The following RP1 variants were observed in gnomAD, a reference collection of about 807,000 sequenced individuals.
RP1 encodes oxygen-regulated protein 1.
Under a neutral mutation model 14.8 loss-of-function variants are expected in RP1, and 16 were observed. That is an observed-to-expected ratio of 1.08 (90% CI 0.73 to 1.65). RP1 has a LOEUF of 1.65. RP1 is among the 40% of genes most tolerant of loss of function. RP1 has a pLI of 0.00. For synonymous variants in RP1, 876 were observed against 883.6 expected, an observed-to-expected ratio of 0.99 and a Z score of 0.15; for missense variants, 2,631 against 2,535.0, an observed-to-expected ratio of 1.04 and a Z score of -0.81.
intron 6 of RP1, among the ~76,000 whole-genome samples, chr8:54,663,317 G>A (rs907886352): frequency 1.3e-5 from 2 of 152,072 alleles, no homozygotes; most frequent in African/African-American, 2.4e-5. Context: ...AAGAGAAGCC[G>A]TAAAGTACTT....
chr8:54,751,836 C>G (rs1809378728), intron 19 of RP1, among the ~76,000 whole-genome samples: 1 of 152,138 alleles, frequency 6.6e-6, no homozygotes, highest in Admixed American at 6.5e-5. Flanking sequence ...CTGTTTCGAG[C>G]CATCATGACT....
intron 19 of RP1, among the ~76,000 whole-genome samples, chr8:54,741,703 GTGTGTATATA>G (rs1409912860): frequency 3.6e-4 from 32 of 87,742 alleles, no homozygotes; most frequent in African/African-American, 1.8e-3. Context: ...ATACAAATGT[GTGTGTATATA>G]TATATATATA....
intron 3 of RP1, among the ~76,000 whole-genome samples, chr8:54,646,676 A>G (rs1016742621): frequency 2.0e-5 from 3 of 152,160 alleles, no homozygotes; most frequent in Admixed American, 6.5e-5. Context: ...GGGAGGTGCA[A>G]AAACCTATAG....
At chr8:54,756,335 C>T (rs1178661904) in intron 21 of RP1, among the ~76,000 whole-genome samples, 1 of 152,052 alleles carries the variant, frequency 6.6e-6, no homozygotes, top group Non-Finnish European at 1.5e-5. Context: ...AGAGAAGGTA[C>T]TATTTGAGGG....
intron 25 of RP1, among the ~76,000 whole-genome samples, chr8:54,846,491 T>C (rs902926736): frequency 6.6e-6 from 1 of 152,244 alleles, no homozygotes; most frequent in African/African-American, 2.4e-5. Context: ...TGTATGCATT[T>C]GGTAACACTC....
At chr8:54,735,131 A>T (rs1808888209) in intron 18 of RP1, among the ~76,000 whole-genome samples, 1 of 152,188 alleles carries the variant, frequency 6.6e-6, no homozygotes. Flanking sequence ...GCTGAGCTAT[A>T]CAGGTCTGAA....
chr8:54,679,333 CTTGTA>C, intron 9 of RP1: 1 of 1,186,548 alleles, frequency 8.4e-7, no homozygotes, highest in East Asian at 2.5e-5. Context: ...TTCCTGCTAT[CTTGTA>C]TTTCTGACTT....
At chr8:54,723,020 G>A (rs1183619613) in intron 16 of RP1, among the ~76,000 whole-genome samples, 2 of 152,180 alleles carry the variant, frequency 1.3e-5, no homozygotes, top group Non-Finnish European at 2.9e-5. Context: ...AGGGACAAGG[G>A]TGGGATTTCA....
intron 26 of RP1, among the ~76,000 whole-genome samples, chr8:54,853,893 AAAG>A (rs989183689): frequency 6.6e-5 from 10 of 151,114 alleles, no homozygotes; most frequent in South Asian, 2.1e-4. Flanking sequence ...AAAAAAGAAA[AAAG>A]AAGGAAAGAA....
At position 54,624,895 on chromosome 8, in the gene RP1, G is replaced by T; in HGVS notation, c.1013G>T (p.Arg338Leu). The change falls in exon 4 of 4, where the codon CGA becomes CTA. Residue 338 changes from arginine to leucine, a missense_variant. Physicochemically the swap from Arg to Leu is moderately radical, Grantham distance 102. Coordinates refer to ENST00000220676, the MANE Select transcript of RP1 (RefSeq NM_006269.2). ...ACTATGACAGTTGAGATGAAAGTTC[G>T]ATTCAGAATAAAAGAGGAAGAAACC... ...DGTMTVEMKV[R>L]FRIKEEETIK... 2.5e-6 allele frequency: 4 copies of T among 1,613,876 alleles called. No individual in the cohort carries two copies. The highest frequency in any genetic ancestry group is 1.6e-4 in the Middle Eastern group (1 of 6,062).
At chr8:54,738,896 A>G (rs1340369303) in intron 18 of RP1, 1 of 1,273,004 alleles carries the variant, frequency 7.9e-7, no homozygotes, top group South Asian at 1.6e-5. Context: ...TAATGTGCTT[A>G]ATTTAAAAAA....
At chr8:54,750,486 C>G (rs960465856) in intron 19 of RP1, among the ~76,000 whole-genome samples, 1 of 152,170 alleles carries the variant, frequency 6.6e-6, no homozygotes, top group Non-Finnish European at 1.5e-5. Flanking sequence ...TACAATATTC[C>G]TAAGTATCAC....
intron 25 of RP1, among the ~76,000 whole-genome samples, chr8:54,846,737 T>C (rs1449816750): frequency 6.6e-6 from 1 of 152,156 alleles, no homozygotes; most frequent in African/African-American, 2.4e-5. Context: ...TCCATACGGA[T>C]ACCTTAGTTC....
chr8:54,758,896 G>GTT, intron 21 of RP1: 1 of 1,534,102 alleles, frequency 6.5e-7, no homozygotes, highest in African/African-American at 1.4e-5. Context: ...ATTTCTGTGG[G>GTT]TTTTTTTCTC....
intron 16 of RP1, among the ~76,000 whole-genome samples, chr8:54,721,262 A>G (rs112054631): frequency 0.029 from 4,449 of 151,894 alleles, 127 homozygotes; most frequent in African/African-American, 0.066. Flanking sequence ...CCATACCACC[A>G]CTCCCTCCAC....
rs1162448459 is a variant in RP1, at chr8:54,842,463, G to A, written c.3835+4794G>A. On this transcript the variant is annotated intron_variant, in intron 25 of 28. Coordinates refer to the RP1 transcript ENST00000637698. ...ACCTTTCTAGGCAAACCAAGGCCAT[G>A]GGACTCCTGTGGGGTTTCCACCAGG... Among the ~76,000 whole-genome samples, 4 of 152,172 alleles carry A rather than the reference G, an allele frequency of 2.6e-5. No homozygotes were observed. The East Asian group carries it at 7.7e-4, about 29-fold the overall frequency.
chr8:54,865,203 A>G (rs1812432614), intron 27 of RP1, among the ~76,000 whole-genome samples: 1 of 151,914 alleles, frequency 6.6e-6, no homozygotes, highest in Non-Finnish European at 1.5e-5. Context: ...TATTTCTAAC[A>G]ATTTTTCTCA....
chr8:54,607,617 A>T (rs2091938), intron 1 of RP1, among the ~76,000 whole-genome samples: 2 of 151,902 alleles, frequency 1.3e-5, no homozygotes, highest in African/African-American at 4.8e-5. Context: ...GCTGCCTTTT[A>T]TTTGGCTATG....
chr8:54,797,698 T>C (rs1810607100), intron 24 of RP1, among the ~76,000 whole-genome samples: 2 of 152,140 alleles, frequency 1.3e-5, no homozygotes, highest in African/African-American at 4.8e-5. Flanking sequence ...TACAGTTGTT[T>C]TCACACCTCT....
Sources: allele counts gnomAD v4.1 joint callset (sites outside exome capture counted in the v4.1 genomes callset), GRCh38; gene constraint gnomAD v4.1.1; transcripts MANE v1.5; gene names NCBI Gene and HGNC (gene_info 2026-07-23, HGNC 2026-07-21).